The following AGBL2 variants were observed in gnomAD, a reference collection of about 807,000 sequenced individuals.
AGBL2 encodes cytosolic carboxypeptidase 2.
In AGBL2, 87 loss-of-function variants were observed where a neutral mutation model predicts 103.0. That is an observed-to-expected ratio of 0.84 (90% CI 0.71 to 1.01). The LOEUF (loss-of-function observed/expected upper bound fraction) is 1.01. Ranked by LOEUF, AGBL2 falls within the 50% of genes least tolerant of loss-of-function variation. The pLI, the probability that AGBL2 is intolerant of heterozygous loss-of-function variation, is 0.00. For missense variants in AGBL2, 904 were observed against 1,023.5 expected, an observed-to-expected ratio of 0.88 and a Z score of 1.59; for synonymous variants, 335 against 356.7, an observed-to-expected ratio of 0.94 and a Z score of 0.69.
chr11:47,659,594 G>C lies in AGBL2; in HGVS notation c.*579C>G, dbSNP rs2097323469. The stretch of plus-strand genomic sequence containing the variant: ...ACCAATCAAAGGAAACAACTGGTTA[G>C]AGAGAAAGAATTTTAATCATCAGCC... On this transcript the variant is annotated 3_prime_UTR_variant, in exon 19 of 19. Transcript: ENST00000525123. The C allele has an allele frequency of 6.6e-6, 1 of 152,110 alleles. No homozygotes were observed. The highest frequency in any genetic ancestry group is 1.5e-5 in the Non-Finnish European group (1 of 68,020). The allele number at this position is 152,110 out of a possible 1,614,324, so 9.4% of individuals were successfully genotyped here. A position where few individuals can be genotyped will look rare whatever the true frequency, so the allele number is the denominator to read the frequency against.
intron 3 of AGBL2, 47 bp downstream of exon 3, chr11:47,714,237 C>G (rs1483512143): frequency 7.4e-6 from 11 of 1,484,234 alleles, no homozygotes; most frequent in Non-Finnish European, 8.4e-6. Flanking sequence ...AAGCAATTTT[C>G]CTCTTGAGTC....
rs1165191690 is a variant in AGBL2, at chr11:47,685,949, A to G, written c.1732T>C (p.Tyr578His). 6.2e-7 allele frequency: 1 copy of G among 1,613,950 alleles called. No homozygotes were observed. The highest frequency in any genetic ancestry group is 1.3e-5 in the African/African-American group (1 of 74,920). ...GGAAAGACTCGTTCATGAAGCCAGT[A>G]TTTGCGATTGTTGTTATTACAGCCA... ...LYGCNNNNRK[Y>H]WLHERVFPLM... The change falls in exon 11 of 19, where the codon TAC becomes CAC. Residue 578 changes from tyrosine (Y) to histidine (H), a missense_variant. Tyr to His is a moderately conservative substitution (Grantham distance 83). Coordinates refer to ENST00000525123, the MANE Select transcript of AGBL2 (RefSeq NM_024783.4).
rs755576593 is a variant in AGBL2 at position 47,680,090 on chromosome 11, C to A, written c.1916-17G>T. On this transcript the variant is annotated splice_polypyrimidine_tract_variant and intron_variant, in intron 12 of 18. Coordinates refer to ENST00000525123, the MANE Select transcript of AGBL2 (RefSeq NM_024783.4). Reference sequence around the variant, plus strand: ...TTTTATTACCTGGAAAAAAAAAAAACCCCGCAAACATTTCCAATTAAATCT... The same window carrying A: ...TTTTATTACCTGGAAAAAAAAAAAAACCCGCAAACATTTCCAATTAAATCT... 389 of 1,217,258 alleles carry A rather than the reference C, an allele frequency of 3.2e-4. No individual in the cohort carries two copies. The highest frequency in any genetic ancestry group is 3.6e-4 in the Non-Finnish European group (306 of 844,644). 75.4% of individuals were successfully genotyped at this position (1,217,258 alleles called of 1,614,324 possible). A position where few individuals can be genotyped will look rare whatever the true frequency, so the allele number is the denominator to read the frequency against.
intron 11 of AGBL2, 44 bp from the exon 12 acceptor site, chr11:47,682,139 T>G: frequency 6.4e-7 from 1 of 1,563,518 alleles, no homozygotes; most frequent in Non-Finnish European, 8.8e-7. Context: ...AATCAGCAAA[T>G]GTAAAATATC....
rs139836837 is a variant in AGBL2 at position 47,690,517 on chromosome 11, G to A, written c.1190C>T (p.Pro397Leu). 1 of 1,614,130 alleles carries A rather than the reference G, an allele frequency of 6.2e-7. No individual in the cohort carries two copies. The highest frequency in any genetic ancestry group is 8.5e-7 in the Non-Finnish European group (1 of 1,180,022). The change falls in exon 10 of 19, where the codon CCA becomes CTA. Residue 397 changes from proline to leucine, a missense_variant. Physicochemically the swap from Pro to Leu is moderately conservative, Grantham distance 98. Coordinates refer to ENST00000525123, the MANE Select transcript of AGBL2 (RefSeq NM_024783.4). ...QDTCFFAHFY[P>L]YTYTDLQCYL... ...GCATTGCAAATCAGTGTATGTATAT[G>A]GGTAGAAGTGTGCAAAGAAGCAAGT...
intron 12 of AGBL2, among the ~76,000 whole-genome samples, chr11:47,681,228 G>A (rs187641022): frequency 1.5e-4 from 23 of 151,768 alleles, no homozygotes; most frequent in African/African-American, 4.6e-4. Flanking sequence ...GCTACACGAC[G>A]GGCTAAGGTG....
At chr11:47,668,139 G>A (rs142550690) in intron 15 of AGBL2, among the ~76,000 whole-genome samples, 5,331 of 149,050 alleles carry the variant, frequency 0.036, 93 homozygotes, top group Middle Eastern at 0.066. Flanking sequence ...AACCTGGGAG[G>A]TGGAGGTTGC....
chr11:47,714,218 C>T, intron 3 of AGBL2, 66 bp downstream of exon 3: 2 of 1,259,992 alleles, frequency 1.6e-6, no homozygotes, highest in Non-Finnish European at 2.3e-6. Flanking sequence ...GCAACCCTCC[C>T]AGCTAACGAA....
At chr11:47,688,534 C>T (rs796082478) in intron 10 of AGBL2, among the ~76,000 whole-genome samples, 6 of 152,158 alleles carry the variant, frequency 3.9e-5, no homozygotes, top group African/African-American at 1.4e-4. Flanking sequence ...GTTCACTTTC[C>T]CCATGATGAG....
chr11:47,670,656 A>G (rs1431527006), intron 14 of AGBL2, among the ~76,000 whole-genome samples: 1 of 151,430 alleles, frequency 6.6e-6, no homozygotes, highest in Non-Finnish European at 1.5e-5. Context: ...CAGGAATTAA[A>G]GACCAGACTG....
rs1387753540 is a variant in AGBL2, at chr11:47,692,186, A to G, written c.765T>C (p.Ala255=). 6.2e-7 allele frequency: 1 copy of G among 1,613,768 alleles called. No homozygotes were observed. Among genetic ancestry groups the G allele is most frequent in the African/African-American group, 1.3e-5 (1 of 74,886 alleles). Reference sequence around the variant, plus strand: ...TATCTTCTGGTCCTTGCAACGTGACAGCAAGTTCCTTGACAATTCCTCGTT... The same window carrying G: ...TATCTTCTGGTCCTTGCAACGTGACGGCAAGTTCCTTGACAATTCCTCGTT... ...GGKRGIVKEL[A]VTLQGPEDNT... Residue 255 remains alanine, a synonymous_variant, in exon 9 of 19, where the codon GCT becomes GCC. Coordinates refer to ENST00000525123, the MANE Select transcript of AGBL2 (RefSeq NM_024783.4).
intron 4 of AGBL2, among the ~76,000 whole-genome samples, chr11:47,706,509 C>A (rs1465440167): frequency 6.6e-6 from 1 of 151,708 alleles, no homozygotes; most frequent in Non-Finnish European, 1.5e-5. Flanking sequence ...GAGCAAGACT[C>A]CGTCTCAAAA....
At chr11:47,699,411 G>A in intron 8 of AGBL2, 35 bp downstream of exon 8, 1 of 1,109,278 alleles carries the variant, frequency 9.0e-7, no homozygotes, top group Non-Finnish European at 1.3e-6. Context: ...ACTTTGTCAT[G>A]ATTAACCATT....
intron 10 of AGBL2, 43 bp from the exon 11 acceptor site, chr11:47,686,092 C>A: frequency 6.3e-7 from 1 of 1,576,522 alleles, no homozygotes; most frequent in Non-Finnish European, 8.7e-7. Flanking sequence ...CACCCAAATG[C>A]ATACAAATAA....
At chr11:47,695,837 T>C (rs1458302429) in intron 8 of AGBL2, among the ~76,000 whole-genome samples, 2 of 151,276 alleles carry the variant, frequency 1.3e-5, no homozygotes, top group African/African-American at 2.4e-5. Flanking sequence ...TGGTGAAATA[T>C]TGGTATTATT....
chr11:47,662,818 A>G (rs1304805923), intron 18 of AGBL2, among the ~76,000 whole-genome samples: 2 of 152,174 alleles, frequency 1.3e-5, no homozygotes, highest in African/African-American at 4.8e-5. Context: ...TTAAAAAAGC[A>G]AACAATTCAC....
intron 17 of AGBL2, chr11:47,666,599 T>G (rs1379551397): frequency 4.0e-6 from 2 of 501,578 alleles, no homozygotes; most frequent in Non-Finnish European, 6.9e-6. Flanking sequence ...CAGCATCCAG[T>G]AAAGGGACTG....
chr11:47,689,260 C>CT (rs2097435579), intron 10 of AGBL2, among the ~76,000 whole-genome samples: 1 of 150,304 alleles, frequency 6.7e-6, no homozygotes, highest in African/African-American at 2.4e-5. Flanking sequence ...CACTTAATAG[C>CT]TTTATGACCT....
At chr11:47,684,880 C>T (rs1228234330) in intron 11 of AGBL2, among the ~76,000 whole-genome samples, 1 of 152,088 alleles carries the variant, frequency 6.6e-6, no homozygotes, top group East Asian at 1.9e-4. Flanking sequence ...TCAACCACCA[C>T]AGGATAGGTG....
Sources: allele counts gnomAD v4.1 joint callset (sites outside exome capture counted in the v4.1 genomes callset), GRCh38; gene constraint gnomAD v4.1.1; transcripts MANE v1.5; gene names NCBI Gene and HGNC (gene_info 2026-07-23, HGNC 2026-07-21).